RHOBTB3: variants seen among roughly 807,000 people sequenced by gnomAD.
RHOBTB3 encodes Rho related BTB domain containing 3, also known as rho-related BTB domain-containing protein 3.
RHOBTB3 carries 47 observed loss-of-function variants against 67.2 expected under a neutral mutation model. That is an observed-to-expected ratio of 0.70 (90% CI 0.55 to 0.89). The LOEUF (loss-of-function observed/expected upper bound fraction) is 0.89. RHOBTB3 is among the 40% of genes least tolerant of loss of function. The pLI is 0.00. For synonymous variants in RHOBTB3, 273 were observed against 274.2 expected (o/e 1.00, Z 0.04); for missense variants, 631 against 750.0 (o/e 0.84, Z 1.85).
At position 95,748,449 on chromosome 5, in the gene RHOBTB3, C is replaced by G. The variant is rs771158755; in HGVS notation, c.532C>G (p.Leu178Val). The change falls in exon 4 of 12, where the codon CTT becomes GTT. Residue 178 changes from leucine (L) to valine (V), a missense_variant. Coordinates refer to ENST00000379982, the MANE Select transcript of RHOBTB3 (RefSeq NM_014899.4). ...AGCGACCTATCTTGAACTCCACAGCCTTGATGACTTCTACATAGGAAAGTA... is the reference window on the plus strand; with the variant it reads ...AGCGACCTATCTTGAACTCCACAGCGTTGATGACTTCTACATAGGAAAGTA... ...LGATYLELHS[L>V]DDFYIGKYFG... 7.4e-6 allele frequency: 12 copies of G among 1,613,344 alleles called. No individual in the cohort carries two copies. Among genetic ancestry groups the G allele is most frequent in the Non-Finnish European group, 9.3e-6 (11 of 1,179,498 alleles).
chr5:95,752,415 C>A, intron 5 of RHOBTB3, 65 bp downstream of exon 5: 1 of 1,061,130 alleles, frequency 9.4e-7, no homozygotes, highest in South Asian at 1.4e-5. Context: ...TCTCACAGGT[C>A]TTAGAGCAAT....
At chr5:95,768,791 A>G (rs1041223307) in intron 8 of RHOBTB3, among the ~76,000 whole-genome samples, 2 of 152,232 alleles carry the variant, frequency 1.3e-5, no homozygotes, top group South Asian at 4.1e-4. Context: ...TTGAGTGCCC[A>G]TTATTGATCA....
chr5:95,726,322 C>T (rs1369452003), upstream of RHOBTB3, among the ~76,000 whole-genome samples: 1 of 152,114 alleles, frequency 6.6e-6, no homozygotes, highest in Non-Finnish European at 1.5e-5. Flanking sequence ...ATTTTTAAGA[C>T]AGCTCAGAAG....
At chr5:95,755,869 C>A in intron 6 of RHOBTB3, 108 bp downstream of exon 6, 1 of 1,005,726 alleles carries the variant, frequency 9.9e-7, no homozygotes, top group Non-Finnish European at 1.5e-6. Flanking sequence ...TCTTTACCTA[C>A]CATCTGAGAT....
chr5:95,781,472 G>C (rs1332602269), intron 9 of RHOBTB3: 1 of 152,264 alleles, frequency 6.6e-6, no homozygotes, highest in Non-Finnish European at 1.5e-5. Flanking sequence ...AGAAGCAAAT[G>C]TATTTGTGTT....
chr5:95,774,176 G>A (rs935573239), intron 8 of RHOBTB3, among the ~76,000 whole-genome samples: 5 of 151,814 alleles, frequency 3.3e-5, no homozygotes, highest in African/African-American at 1.2e-4. Flanking sequence ...AATGAAATGG[G>A]CATGATGATT....
At chr5:95,725,335 A>C (rs1755022816) in intron 1 of RHOBTB3, among the ~76,000 whole-genome samples, 1 of 152,248 alleles carries the variant, frequency 6.6e-6, no homozygotes, top group Non-Finnish European at 1.5e-5. Flanking sequence ...AAGAGTTCAA[A>C]AGGAAGCAAA....
Position 95,788,866 on chromosome 5 carries a change from G to T in RHOBTB3, c.1720+8G>T. 6.7e-7 allele frequency: 1 copy of T among 1,482,970 alleles called. No homozygotes were observed. The highest frequency in any genetic ancestry group is 1.3e-5 in the South Asian group (1 of 75,168). 91.9% of individuals were successfully genotyped at this position (1,482,970 alleles called of 1,614,324 possible). A position where few individuals can be genotyped will look rare whatever the true frequency, so the allele number is the denominator to read the frequency against. On this transcript the variant is annotated splice_region_variant and intron_variant, in intron 11 of 11. Transcript: ENST00000379982. The stretch of plus-strand genomic sequence containing the variant: ...AATTTCAGGATCTTTCAGGTAGATT[G>T]CTAATTTCTGTTTTGAAAAGAAAAC...
chr5:95,727,272 C>A (rs1362818597), upstream of RHOBTB3, among the ~76,000 whole-genome samples: 4 of 147,434 alleles, frequency 2.7e-5, no homozygotes, highest in Non-Finnish European at 6.0e-5. Context: ...TCTATGCAAA[C>A]CTAGTTTTCC....
intron 1 of RHOBTB3, 64 bp from the exon 2 acceptor site, chr5:95,731,795 T>C: frequency 1.2e-6 from 2 of 1,603,250 alleles, no homozygotes; most frequent in African/African-American, 1.3e-5. Flanking sequence ...CACTTCCTGT[T>C]CCGAGGAGAG....
chr5:95,743,889 A>G lies in RHOBTB3; in HGVS notation c.416-4444A>G, dbSNP rs576142862. ...ATGCCTGGGTAATTTTTGTATTTTT[A>G]GTAGAGGTGGAGTTTCATCATAGTG... On this transcript the variant is annotated intron_variant, in intron 3 of 11. Coordinates refer to ENST00000379982, the MANE Select transcript of RHOBTB3 (RefSeq NM_014899.4). Among the ~76,000 whole-genome samples the G allele has an allele frequency of 4.0e-5, 6 of 151,828 alleles. No homozygotes were observed. In the East Asian group the frequency reaches 7.8e-4, roughly 20 times the overall value.
At chr5:95,770,342 A>G (rs933860077) in intron 8 of RHOBTB3, 1 of 272,740 alleles carries the variant, frequency 3.7e-6, no homozygotes, top group South Asian at 5.3e-5. Flanking sequence ...GCCTTGCTTC[A>G]GTTCATTCCA....
chr5:95,726,965 C>CT (rs555991634), upstream of RHOBTB3, among the ~76,000 whole-genome samples: 49 of 148,774 alleles, frequency 3.3e-4, no homozygotes, highest in Non-Finnish European at 5.1e-4. Context: ...CGTTTCCCCC[C>CT]TTTTTTTTTT....
At position 95,780,589 on chromosome 5, in the gene RHOBTB3, C is replaced by G. The variant is rs187747795; in HGVS notation, c.1456+164C>G. Among the ~76,000 whole-genome samples, 14 of 152,304 alleles carry G rather than the reference C, an allele frequency of 9.2e-5. No individual in the cohort carries two copies. The East Asian group carries it at 2.7e-3, about 29-fold the overall frequency. ...TGGTGCTGGAACAACAATGAATTTT[C>G]ATTCAGTTCAAGTGGAAGTGCAGTG... On this transcript the variant is annotated intron_variant, in intron 9 of 11. Transcript: ENST00000379982.
chr5:95,730,090 A>T (rs543515963), upstream of RHOBTB3, among the ~76,000 whole-genome samples: 1 of 152,138 alleles, frequency 6.6e-6, no homozygotes, highest in East Asian at 1.9e-4. Context: ...AGATTAAAAA[A>T]AAAAACAGTG....
In RHOBTB3 at chr5:95,731,598, G is replaced by C. The variant is rs557148836; in HGVS notation, c.-85G>C. On this transcript the variant is annotated 5_prime_UTR_variant, in exon 1 of 12. Coordinates refer to ENST00000379982, the MANE Select transcript of RHOBTB3 (RefSeq NM_014899.4). ...ACGCGGCCGGGGATGAGCGGATTGCGGGTGAACTCGCCGCCCGGGGGCCCC... is the reference window on the plus strand; with the variant it reads ...ACGCGGCCGGGGATGAGCGGATTGCCGGTGAACTCGCCGCCCGGGGGCCCC... The C allele has an allele frequency of 2.5e-6, 4 of 1,588,912 alleles. No homozygotes were observed.
intron 10 of RHOBTB3, among the ~76,000 whole-genome samples, chr5:95,785,787 G>A (rs1192964449): frequency 6.6e-6 from 1 of 151,928 alleles, no homozygotes; most frequent in Non-Finnish European, 1.5e-5. Context: ...TTAAAAAATT[G>A]GACACAAGTT....
chr5:95,783,971 ACT>A lies in RHOBTB3; in HGVS notation c.1623+11_1623+12del, dbSNP rs763479005. The A allele has an allele frequency of 2.5e-6, 4 of 1,599,290 alleles. No individual in the cohort carries two copies. Among genetic ancestry groups the A allele is most frequent in the Non-Finnish European group, 3.4e-6 (4 of 1,170,074 alleles). ...CTGCTTAAAAAGGCCAAGGTAATTG[ACT>A]CTGTGTATCTGATAGCCTAGTTTTT... On this transcript the variant is annotated intron_variant, in intron 10 of 11. Coordinates refer to ENST00000379982, the MANE Select transcript of RHOBTB3 (RefSeq NM_014899.4).
At chr5:95,737,509 C>T (rs750810344) in intron 3 of RHOBTB3, among the ~76,000 whole-genome samples, 8 of 152,160 alleles carry the variant, frequency 5.3e-5, no homozygotes, top group Non-Finnish European at 1.0e-4. Flanking sequence ...ACTGACAGTG[C>T]TGCCTAAAAG....
Sources: gnomAD v4.1 joint callset for allele counts (sites outside exome capture counted in the v4.1 genomes callset) on GRCh38, gnomAD v4.1.1 for gene constraint, MANE v1.5 for transcripts, NCBI Gene and HGNC (gene_info 2026-07-23, HGNC 2026-07-21) for gene names.